The following SPMIP2 variants were observed in gnomAD, a reference collection of about 807,000 sequenced individuals.
The protein encoded by SPMIP2 is protein SPMIP2.
the SPMIP2 span, among the ~76,000 whole-genome samples, chr4:158,903,421 C>T: frequency 2.6e-5 from 4 of 152,308 alleles, no homozygotes; most frequent in East Asian, 1.9e-4. Context: ...TGTTCCTATT[C>T]GGCCGTCTTG....
At chr4:158,971,281 G>A in the SPMIP2 span, among the ~76,000 whole-genome samples, 1 of 152,106 alleles carries the variant, frequency 6.6e-6, no homozygotes. Context: ...CAACCCAGCC[G>A]CCTTGCTTTG....
At chr4:158,995,246 G>C in the SPMIP2 span, among the ~76,000 whole-genome samples, 3 of 152,038 alleles carry the variant, frequency 2.0e-5, no homozygotes, top group Non-Finnish European at 4.4e-5. Context: ...TTTTTTTGTA[G>C]TCAAACTTTC....
chr4:159,074,458 C>A, the SPMIP2 span, among the ~76,000 whole-genome samples: 2 of 152,106 alleles, frequency 1.3e-5, no homozygotes, highest in East Asian at 3.9e-4. Flanking sequence ...GGTATGGCCA[C>A]AGAGAGCCCC....
chr4:158,903,668 C>T, the SPMIP2 span, among the ~76,000 whole-genome samples: 1 of 152,172 alleles, frequency 6.6e-6, no homozygotes, highest in Non-Finnish European at 1.5e-5. Flanking sequence ...TCTGTGCACT[C>T]TGAAATCAGA....
chr4:159,054,580 G>A, the SPMIP2 span, among the ~76,000 whole-genome samples: 1 of 152,086 alleles, frequency 6.6e-6, no homozygotes, highest in Non-Finnish European at 1.5e-5. Context: ...GCACAGACAC[G>A]TGCTTCCCTC....
At chr4:159,007,113 G>A in the SPMIP2 span, 15 of 614,168 alleles carry the variant, frequency 2.4e-5, no homozygotes, top group South Asian at 1.9e-4. Context: ...AGCAACTGAA[G>A]CAGCATATGG....
the SPMIP2 span, among the ~76,000 whole-genome samples, chr4:158,950,380 C>T: frequency 6.6e-6 from 1 of 152,208 alleles, no homozygotes; most frequent in Non-Finnish European, 1.5e-5. Flanking sequence ...CACTTGAACT[C>T]ATTCAGCTTC....
At chr4:158,945,276 G>A in the SPMIP2 span, among the ~76,000 whole-genome samples, 1 of 151,982 alleles carries the variant, frequency 6.6e-6, no homozygotes, top group Non-Finnish European at 1.5e-5. Context: ...CCTCATCCGT[G>A]TTCTGGGTGA....
chr4:158,928,269 G>C, the SPMIP2 span, among the ~76,000 whole-genome samples: 109 of 152,160 alleles, frequency 7.2e-4, no homozygotes, highest in African/African-American at 2.4e-3. Flanking sequence ...TGCACCAGTC[G>C]ACACTCTGTA....
the SPMIP2 span, among the ~76,000 whole-genome samples, chr4:159,061,525 G>A: frequency 6.6e-6 from 1 of 151,806 alleles, no homozygotes; most frequent in Admixed American, 6.6e-5. Context: ...AGATAGAGAT[G>A]GGCTGGGCAT....
the SPMIP2 span, among the ~76,000 whole-genome samples, chr4:159,063,832 T>A: frequency 6.6e-6 from 1 of 152,186 alleles, no homozygotes; most frequent in African/African-American, 2.4e-5. Flanking sequence ...GAGCAATGGT[T>A]ACAATGGAGT....
At chr4:158,941,677 T>A in the SPMIP2 span, among the ~76,000 whole-genome samples, 4 of 152,164 alleles carry the variant, frequency 2.6e-5, no homozygotes, top group African/African-American at 9.7e-5. Flanking sequence ...GAAAGGAGAT[T>A]TCTGCTCAAA....
the SPMIP2 span, among the ~76,000 whole-genome samples, chr4:159,063,085 T>C: frequency 6.6e-6 from 1 of 152,168 alleles, no homozygotes; most frequent in African/African-American, 2.4e-5. Flanking sequence ...TTCTATTTAC[T>C]CAACCTCACA....
chr4:159,025,826 T>C, the SPMIP2 span, among the ~76,000 whole-genome samples: 4 of 152,154 alleles, frequency 2.6e-5, no homozygotes, highest in South Asian at 6.2e-4. Context: ...TTTTAAAAAC[T>C]GAGTTCAAAA....
the SPMIP2 span, among the ~76,000 whole-genome samples, chr4:158,897,149 G>A: frequency 1.4e-4 from 21 of 152,230 alleles, no homozygotes; most frequent in Non-Finnish European, 2.2e-4. Flanking sequence ...AGCCTCATCC[G>A]TGTCCCTGCA....
chr4:158,937,565 C>A, the SPMIP2 span: 4 of 154,310 alleles, frequency 2.6e-5, no homozygotes, highest in African/African-American at 9.6e-5. Flanking sequence ...AAATAAAGGT[C>A]CAAAGTAACA....
At chr4:158,954,712 C>T in the SPMIP2 span, among the ~76,000 whole-genome samples, 12 of 152,196 alleles carry the variant, frequency 7.9e-5, no homozygotes, top group African/African-American at 2.9e-4. Flanking sequence ...AAAAGATTAT[C>T]ACAGAAAGTT....
chr4:158,896,682 C>G, the SPMIP2 span, among the ~76,000 whole-genome samples: 3 of 152,030 alleles, frequency 2.0e-5, no homozygotes, highest in Non-Finnish European at 4.4e-5. Context: ...TTGGCATTTC[C>G]TGTCATAGAT....
the SPMIP2 span, among the ~76,000 whole-genome samples, chr4:158,979,929 C>T: frequency 6.6e-6 from 1 of 151,464 alleles, no homozygotes; most frequent in Non-Finnish European, 1.5e-5. Flanking sequence ...CCCCACAGAA[C>T]CCAGCAAGCT....
Sources: allele counts gnomAD v4.1 joint callset (sites outside exome capture counted in the v4.1 genomes callset), GRCh38; gene constraint gnomAD v4.1.1; transcripts MANE v1.5; gene names NCBI Gene and HGNC (gene_info 2026-07-23, HGNC 2026-07-21).